NCKAP5L: variants seen among roughly 807,000 people sequenced by gnomAD.
NCKAP5L encodes NCK associated protein 5 like.
In NCKAP5L, 54 loss-of-function variants were observed where a neutral mutation model predicts 103.2. That is an observed-to-expected ratio of 0.52 (90% CI 0.42 to 0.66). The LOEUF (loss-of-function observed/expected upper bound fraction) is 0.66, where lower values mean the gene tolerates loss of function less well. Among genes scored for constraint, NCKAP5L ranks in the 30% least tolerant of loss-of-function variants. The probability of loss-of-function intolerance (pLI) is 0.00; values close to 1 mark genes in which losing one functional copy is unlikely to be tolerated. For missense variants in NCKAP5L, 1,733 were observed against 1,750.6 expected (o/e 0.99, Z 0.18); for synonymous variants, 762 against 748.6 (o/e 1.02, Z -0.29).
chr12:49,798,202 G>A, intron 7 of NCKAP5L, 148 bp downstream of exon 7: 6 of 742,616 alleles, frequency 8.1e-6, no homozygotes, highest in South Asian at 1.5e-5. Flanking sequence ...CAGGGCCAGT[G>A]GCTAGGATTG....
At position 49,792,060 on chromosome 12, in the gene NCKAP5L, G is replaced by T. The variant is rs756038321; in HGVS notation, c.3793-9C>A. ...CGGTCCACGGGCAGGGCCTGGGAAAGGAGGGGCAGCTCGGGAGGAAGCTCC... is the reference window on the plus strand; with the variant it reads ...CGGTCCACGGGCAGGGCCTGGGAAATGAGGGGCAGCTCGGGAGGAAGCTCC... On this transcript the variant is annotated splice_polypyrimidine_tract_variant and intron_variant, in intron 12 of 12. Coordinates refer to ENST00000335999, the MANE Select transcript of NCKAP5L (RefSeq NM_001037806.4). The surrounding 1 kb of genome is among the most constrained non-coding windows in gnomAD (Gnocchi z 4.5). The T allele has an allele frequency of 2.6e-6, 4 of 1,526,040 alleles. No individual in the cohort carries two copies. The South Asian group carries it at 5.2e-5, about 20-fold the overall frequency. 94.5% of individuals were successfully genotyped at this position (1,526,040 alleles called of 1,614,324 possible).
Position 49,792,239 on chromosome 12 carries a change from G to T in NCKAP5L, c.3793-188C>A. 1 of 1,150,020 alleles carries T rather than the reference G, an allele frequency of 8.7e-7. No individual in the cohort carries two copies. Among genetic ancestry groups the T allele is most frequent in the Non-Finnish European group, 1.3e-6 (1 of 796,250 alleles). The allele number at this position is 1,150,020 out of a possible 1,614,324, so 71.2% of individuals were successfully genotyped here. On this transcript the variant is annotated intron_variant, in intron 12 of 12. Coordinates refer to ENST00000335999, the MANE Select transcript of NCKAP5L (RefSeq NM_001037806.4). This position sits in a 1 kb window ranked among gnomAD's most constrained non-coding sequence, Gnocchi z 4.5. ...GAGAACAGTCCTACAAGGTTCTGGG[G>T]AGGGACAGAAACCTTTCCCCACGAG... is the stretch of plus-strand genomic sequence containing the variant.
intron 1 of NCKAP5L, among the ~76,000 whole-genome samples, chr12:49,812,533 G>A (rs1186581711): frequency 5.3e-5 from 8 of 151,942 alleles, no homozygotes; most frequent in East Asian, 3.9e-4. Flanking sequence ...ACAGGCGCCC[G>A]CCACCACGCC....
At chr12:49,807,181 C>A (rs562791538) in intron 1 of NCKAP5L, among the ~76,000 whole-genome samples, 1 of 152,270 alleles carries the variant, frequency 6.6e-6, no homozygotes, top group South Asian at 2.1e-4. Context: ...TCTTCTATAC[C>A]CCAGAAAGAG....
In NCKAP5L at chr12:49,795,518, C is replaced by T. The variant is rs963264999; in HGVS notation, c.2342G>A (p.Arg781Gln). The T allele has an allele frequency of 5.2e-6, 8 of 1,531,206 alleles. No individual in the cohort carries two copies. The highest frequency in any genetic ancestry group is 7.0e-6 in the Non-Finnish European group (8 of 1,143,662). 94.9% of individuals were successfully genotyped at this position (1,531,206 alleles called of 1,614,324 possible). ...CLTKVELAKSRLAGALCPQVP... is the reference protein window; with the variant it reads ...CLTKVELAKSQLAGALCPQVP... Reference sequence around the variant, plus strand: ...CTGGGGGCACAGGGCCCCTGCCAGCCGGCTCTTGGCCAGCTCCACTTTGGT... The same window carrying T: ...CTGGGGGCACAGGGCCCCTGCCAGCTGGCTCTTGGCCAGCTCCACTTTGGT... Residue 781 changes from arginine to glutamine, a missense_variant, in exon 8 of 13, where the codon CGG becomes CAG. Transcript: ENST00000335999.
chr12:49,809,697 T>G (rs1374026213), intron 1 of NCKAP5L, among the ~76,000 whole-genome samples: 1 of 152,188 alleles, frequency 6.6e-6, no homozygotes, highest in Non-Finnish European at 1.5e-5. Flanking sequence ...AGATCAGCCC[T>G]GGGCTGCTGA....
At chr12:49,814,986 G>C (rs1946281807) in intron 1 of NCKAP5L, among the ~76,000 whole-genome samples, 1 of 152,230 alleles carries the variant, frequency 6.6e-6, no homozygotes, top group Admixed American at 6.5e-5. Flanking sequence ...GAGGTTATAT[G>C]CTTTGAGAAG....
Position 49,794,822 on chromosome 12 carries a change from C to CCCTGCA in NCKAP5L, c.3032_3037dup (p.Val1011_Gln1012dup). On this transcript the variant is annotated inframe_insertion, in exon 8 of 13. Coordinates refer to ENST00000335999, the MANE Select transcript of NCKAP5L (RefSeq NM_001037806.4). ...ACCTTGGTACATGCCAGCCAGCTGG[C>CCCTGCA]CCTGCACCTGCCCCAGCCCCGTGTT... 1 of 1,544,278 alleles carries CCCTGCA rather than the reference C, an allele frequency of 6.5e-7. No homozygotes were observed. Among genetic ancestry groups the CCCTGCA allele is most frequent in the East Asian group, 2.4e-5 (1 of 41,606 alleles).
intron 1 of NCKAP5L, among the ~76,000 whole-genome samples, chr12:49,826,124 T>G (rs1946413597): frequency 1.5e-5 from 2 of 132,046 alleles, no homozygotes; most frequent in East Asian, 2.1e-4. Flanking sequence ...CCTGGGGGTG[T>G]GAGTACAGCA....
intron 1 of NCKAP5L, among the ~76,000 whole-genome samples, chr12:49,821,583 G>A (rs1343427401): frequency 1.3e-5 from 2 of 152,228 alleles, no homozygotes; most frequent in Non-Finnish European, 2.9e-5. Flanking sequence ...CATGTGCCTC[G>A]GCACGGGCCA....
chr12:49,824,622 C>A (rs1453521571), intron 1 of NCKAP5L, among the ~76,000 whole-genome samples: 1 of 152,224 alleles, frequency 6.6e-6, no homozygotes, highest in Non-Finnish European at 1.5e-5. Context: ...CGGAGGGAAC[C>A]AGTAGAGACT....
intron 1 of NCKAP5L, among the ~76,000 whole-genome samples, chr12:49,820,191 A>G (rs747649644): frequency 5.9e-5 from 9 of 151,994 alleles, no homozygotes; most frequent in Non-Finnish European, 1.2e-4. Flanking sequence ...AACATCAGCT[A>G]TTAGTATTTT....
chr12:49,797,026 C>T lies in NCKAP5L; in HGVS notation c.834G>A (p.Arg278=), dbSNP rs780131876. 3.2e-6 allele frequency: 5 copies of T among 1,576,248 alleles called. No homozygotes were observed. The South Asian group carries it at 4.6e-5, about 15-fold the overall frequency. ...EDTGRPWGPS[R]GPPQAQGTSS... is the part of the protein sequence containing the mutation. ...TGGTGCCCTGGGCCTGAGGAGGTCC[C>T]CTGCTAGGACCCCAGGGCCGCCCAG... Residue 278 remains arginine, a synonymous_variant, in exon 8 of 13, where the codon AGG becomes AGA. Transcript: ENST00000335999. This position sits in a 1 kb window ranked among gnomAD's most constrained non-coding sequence, Gnocchi z 4.5.
In NCKAP5L at chr12:49,795,461, G is replaced by A. The variant is rs576864645; in HGVS notation, c.2399C>T (p.Ser800Leu). The stretch of plus-strand genomic sequence containing the variant: ...ATTGGGCTTGCCCAGGCTTGGGGCT[G>A]AGGTTGGCACTTTGGCAGGGGTACG... The part of the protein sequence containing the change: ...VPRTPAKVPT[S>L]APSLGKPNKS... Residue 800 changes from serine (S) to leucine (L), a missense_variant, in exon 8 of 13, where the codon TCA (serine) becomes TTA (leucine). Coordinates refer to ENST00000335999, the MANE Select transcript of NCKAP5L (RefSeq NM_001037806.4). The A allele has an allele frequency of 3.2e-6, 5 of 1,559,014 alleles. No homozygotes were observed. The highest frequency in any genetic ancestry group is 2.2e-5 in the East Asian group (1 of 44,546).
At chr12:49,819,330 A>T (rs929709741) in intron 1 of NCKAP5L, among the ~76,000 whole-genome samples, 1 of 151,998 alleles carries the variant, frequency 6.6e-6, no homozygotes, top group Non-Finnish European at 1.5e-5. Context: ...AAAAAAAATT[A>T]AAAACCCTTA....
chr12:49,796,774 G>T lies in NCKAP5L; in HGVS notation c.1086C>A (p.Ser362=). 1.2e-6 allele frequency: 2 copies of T among 1,613,754 alleles called. No individual in the cohort carries two copies. The change falls in exon 8 of 13, where the codon TCC becomes TCA. Residue 362 remains serine, a synonymous_variant. Coordinates refer to ENST00000335999, the MANE Select transcript of NCKAP5L (RefSeq NM_001037806.4). ...ACAGCTGTGGGGGCGCCTGGTCTGGGGAGGATGACTGCCCAGGACCTGGGT... is the reference window on the plus strand; with the variant it reads ...ACAGCTGTGGGGGCGCCTGGTCTGGTGAGGATGACTGCCCAGGACCTGGGT... ...GDHPGPGQSS[S]PDQAPPQLSK...
In NCKAP5L at chr12:49,794,770, T is replaced by C. The variant is rs778514866; in HGVS notation, c.3090A>G (p.Leu1030=). 1.7e-5 allele frequency: 26 copies of C among 1,515,406 alleles called. No homozygotes were observed. In the South Asian group the frequency reaches 1.9e-4, roughly 11 times the overall value. 93.9% of individuals were successfully genotyped at this position (1,515,406 alleles called of 1,614,324 possible). A position where few individuals can be genotyped will look rare whatever the true frequency, so the allele number is the denominator to read the frequency against. ...GACTGATCCCAGGACCTCACCTGTTTAGCAGCTGCTGCATGAAGGTGTCTG... is the reference window on the plus strand; with the variant it reads ...GACTGATCCCAGGACCTCACCTGTTCAGCAGCTGCTGCATGAAGGTGTCTG... The part of the protein sequence containing the change: ...QGADTFMQQL[L]NRVDGKELPS... Residue 1030 remains leucine (L), a synonymous_variant, in exon 8 of 13, where the codon CTA becomes CTG. Coordinates refer to ENST00000335999, the MANE Select transcript of NCKAP5L (RefSeq NM_001037806.4).
Position 49,794,858 on chromosome 12 carries a change from G to A in NCKAP5L, c.3002C>T (p.Ala1001Val), listed in dbSNP as rs1230139091. The change falls in exon 8 of 13, where the codon GCC (alanine) becomes GTC (valine). Residue 1001 changes from alanine (A) to valine (V), a missense_variant. By Grantham distance (64) the Ala-to-Val change is moderately conservative. Transcript: ENST00000335999. ...CCCCAGCCCCGTGTTGGGCCCTGGGGCTGGGCCACCAGGCCGTGGCCGGGC... is the reference window on the plus strand; with the variant it reads ...CCCCAGCCCCGTGTTGGGCCCTGGGACTGGGCCACCAGGCCGTGGCCGGGC... ...SRARPRPGGP[A>V]PGPNTGLGQV... is the part of the protein sequence containing the mutation. 6.0e-6 allele frequency: 9 copies of A among 1,504,680 alleles called. No homozygotes were observed. Among genetic ancestry groups the A allele is most frequent in the Non-Finnish European group, 8.0e-6 (9 of 1,127,318 alleles). 93.2% of individuals were successfully genotyped at this position (1,504,680 alleles called of 1,614,324 possible).
chr12:49,804,264 A>G, intron 2 of NCKAP5L, 184 bp from the exon 3 acceptor site: 1 of 453,224 alleles, frequency 2.2e-6, no homozygotes, highest in Non-Finnish European at 3.9e-6. Context: ...TCTTAAGAAC[A>G]GAGACCATTG....
Sources: allele counts gnomAD v4.1 joint callset (sites outside exome capture counted in the v4.1 genomes callset), GRCh38; gene constraint gnomAD v4.1.1; non-coding constraint Gnocchi (gnomAD v3.1); transcripts MANE v1.5; gene names NCBI Gene and HGNC (gene_info 2026-07-23, HGNC 2026-07-21).